The following CHRM3 variants were observed in gnomAD, a reference collection of about 807,000 sequenced individuals.
CHRM3 encodes cholinergic receptor muscarinic 3.
CHRM3 carries 11 observed loss-of-function variants against 41.8 expected under a neutral mutation model. The observed-to-expected ratio is 0.26, with a 90% CI of 0.17 to 0.44. The LOEUF (loss-of-function observed/expected upper bound fraction) is 0.44. Among genes scored for constraint, CHRM3 ranks in the 20% least tolerant of loss-of-function variants. The pLI is 1.00. For synonymous variants in CHRM3, 297 were observed against 301.4 expected (o/e 0.99, Z 0.15); for missense variants, 571 against 745.4 (o/e 0.77, Z 2.72).
chr1:239,573,805 C>A (rs1662069299), intron 3 of CHRM3, among the ~76,000 whole-genome samples: 1 of 152,066 alleles, frequency 6.6e-6, no homozygotes, highest in South Asian at 2.1e-4. Context: ...TAATCATGTT[C>A]TTTTAAATTT....
intron 5 of CHRM3, among the ~76,000 whole-genome samples, chr1:239,791,147 C>T (rs1017341764): frequency 6.6e-6 from 1 of 151,998 alleles, no homozygotes; most frequent in South Asian, 2.1e-4. Flanking sequence ...CACTGTTGCC[C>T]ATGCTGGAGT....
At chr1:239,572,929 T>C (rs1250923591) in intron 3 of CHRM3, among the ~76,000 whole-genome samples, 1 of 152,160 alleles carries the variant, frequency 6.6e-6, no homozygotes, top group East Asian at 1.9e-4. Flanking sequence ...CGCTTAGAAT[T>C]TAGCTTTCTT....
At chr1:239,862,615 G>A (rs924111884) in intron 6 of CHRM3, among the ~76,000 whole-genome samples, 3 of 152,158 alleles carry the variant, frequency 2.0e-5, no homozygotes, top group African/African-American at 4.8e-5. Context: ...ATAATTAAAT[G>A]TACTGTTTTG....
At chr1:239,651,488 G>A (rs1672234927) in intron 4 of CHRM3, among the ~76,000 whole-genome samples, 1 of 152,206 alleles carries the variant, frequency 6.6e-6, no homozygotes, top group Non-Finnish European at 1.5e-5. Flanking sequence ...GAATGCTGGT[G>A]GGGTGTTCAG....
At chr1:239,879,373 C>T (rs2102860130) in intron 6 of CHRM3, among the ~76,000 whole-genome samples, 1 of 152,312 alleles carries the variant, frequency 6.6e-6, no homozygotes, top group Middle Eastern at 3.4e-3. Context: ...AACAGCACAG[C>T]CAAAGCAGCC....
At chr1:239,456,575 G>A (rs911027274) in intron 1 of CHRM3, among the ~76,000 whole-genome samples, 7 of 152,182 alleles carry the variant, frequency 4.6e-5, no homozygotes, top group East Asian at 1.9e-4. Flanking sequence ...TTCTCGGAAC[G>A]TATCCTGGTC....
intron 5 of CHRM3, among the ~76,000 whole-genome samples, chr1:239,711,412 AC>A (rs998133131): frequency 2.3e-4 from 35 of 152,180 alleles, no homozygotes; most frequent in South Asian, 1.2e-3. Flanking sequence ...ATGCTTGGCC[AC>A]CCAGACCCCC....
intron 5 of CHRM3, among the ~76,000 whole-genome samples, chr1:239,826,475 A>G (rs1672473426): frequency 6.6e-6 from 1 of 152,188 alleles, no homozygotes; most frequent in Non-Finnish European, 1.5e-5. Context: ...TTTCAGTATT[A>G]TGTGGCAGCC....
At chr1:239,801,812 GCTTTCCAGAAGCTTCTAGAA>G (rs1670240612) in intron 5 of CHRM3, among the ~76,000 whole-genome samples, 1 of 152,078 alleles carries the variant, frequency 6.6e-6, no homozygotes, top group East Asian at 1.9e-4. Context: ...CTTTCAAGAA[GCTTTCCAGAAGCTTCTAGAA>G]CTTTCTAGAA....
chr1:239,464,935 TG>T (rs1205630815), intron 1 of CHRM3, among the ~76,000 whole-genome samples: 1 of 152,130 alleles, frequency 6.6e-6, no homozygotes, highest in Non-Finnish European at 1.5e-5. Context: ...AGTGTAGCCT[TG>T]TAAGTCCCTG....
Position 239,760,224 on chromosome 1 carries a change from C to A in CHRM3, c.-146-67028C>A, listed in dbSNP as rs564628935. On this transcript the variant is annotated intron_variant, in intron 5 of 6. Coordinates refer to ENST00000676153, the MANE Select transcript of CHRM3 (RefSeq NM_001375978.1). ...ACAGGCGTGAGCCACCGTGCCCGGC[C>A]AATACTTTTCTTTAAAGTAATTTTA... 3.3e-5 allele frequency among the ~76,000 whole-genome samples: 5 copies of A among 152,170 alleles called. No homozygotes were observed. In the South Asian group the frequency reaches 1.0e-3, roughly 32 times the overall value.
chr1:239,791,692 AAAAAG>A (rs1434453550), intron 5 of CHRM3, among the ~76,000 whole-genome samples: 3 of 152,208 alleles, frequency 2.0e-5, no homozygotes, highest in South Asian at 2.1e-4. Context: ...GAGCTTGAGA[AAAAAG>A]AAAAGAAAAG....
intron 3 of CHRM3, among the ~76,000 whole-genome samples, chr1:239,607,193 T>C (rs12120382): frequency 0.2 from 30,970 of 152,098 alleles, 3,850 homozygotes; most frequent in Non-Finnish European, 0.26. Flanking sequence ...CCCCATTCTT[T>C]CCCTGCAGCA....
At chr1:239,794,327 C>G (rs920723923) in intron 5 of CHRM3, among the ~76,000 whole-genome samples, 1 of 150,714 alleles carries the variant, frequency 6.6e-6, no homozygotes, top group African/African-American at 2.4e-5. Flanking sequence ...ACAAGTTTAA[C>G]AAACACCTTA....
chr1:239,693,488 C>T (rs992280185), intron 5 of CHRM3, among the ~76,000 whole-genome samples: 39 of 152,276 alleles, frequency 2.6e-4, no homozygotes, highest in Non-Finnish European at 5.1e-4. Context: ...GCCTCTAGAA[C>T]TCTGAAAAAT....
intron 1 of CHRM3, among the ~76,000 whole-genome samples, chr1:239,458,586 T>C (rs1205884438): frequency 3.3e-5 from 5 of 152,216 alleles, no homozygotes; most frequent in Non-Finnish European, 7.3e-5. Flanking sequence ...TAAAGCATAA[T>C]AATTATAATA....
At chr1:239,552,367 T>A (rs1426197728) in intron 3 of CHRM3, among the ~76,000 whole-genome samples, 1 of 147,670 alleles carries the variant, frequency 6.8e-6, no homozygotes, top group Non-Finnish European at 1.5e-5. Context: ...ATAGATGATA[T>A]GTATCATATA....
At chr1:239,693,812 C>G (rs1279269523) in intron 5 of CHRM3, among the ~76,000 whole-genome samples, 1 of 152,034 alleles carries the variant, frequency 6.6e-6, no homozygotes, top group African/African-American at 2.4e-5. Context: ...CAGGAATATC[C>G]TTTAATTTGG....
chr1:239,704,971 C>G (rs1387514704), intron 5 of CHRM3: 2 of 152,238 alleles, frequency 1.3e-5, no homozygotes, highest in Admixed American at 1.3e-4. Context: ...GAGGCCAAGA[C>G]AGGAGGATGA....
Sources: gnomAD v4.1 joint callset for allele counts (sites outside exome capture counted in the v4.1 genomes callset) on GRCh38, gnomAD v4.1.1 for gene constraint, MANE v1.5 for transcripts, NCBI Gene and HGNC (gene_info 2026-07-23, HGNC 2026-07-21) for gene names.